TNMD: variants seen among roughly 807,000 people sequenced by gnomAD.
The protein encoded by TNMD is tenomodulin.
TNMD carries 15 observed loss-of-function variants against 26.9 expected under a neutral mutation model. That is an observed-to-expected ratio of 0.56 (90% CI 0.37 to 0.86). The LOEUF is 0.86. Among genes scored for constraint, TNMD ranks in the 40% least tolerant of loss-of-function variants. The pLI, the probability that TNMD is intolerant of heterozygous loss-of-function variation, is 0.00. For missense variants in TNMD, 222 were observed against 242.6 expected (o/e 0.92, Z 0.56); for synonymous variants, 73 against 77.0 (o/e 0.95, Z 0.27).
chrX:100,593,379 G>T, intron 2 of TNMD: 1 of 753,099 alleles, frequency 1.3e-6, no homozygotes, highest in Non-Finnish European at 1.6e-6. Flanking sequence ...AGTTTAAGGG[G>T]CAAAAGGAAG....
In TNMD at chrX:100,599,862, A is replaced by G; in HGVS notation, c.*145A>G. ...TAGGTAATTCCTCTCTTCATGTTCT[A>G]ATAAACTTCTACATTATCACCAACA... On this transcript the variant is annotated 3_prime_UTR_variant, in exon 7 of 7. Coordinates refer to ENST00000373031, the MANE Select transcript of TNMD (RefSeq NM_022144.3). 2.0e-6 allele frequency: 1 copy of G among 506,610 alleles called. No homozygotes were observed. The highest frequency in any genetic ancestry group is 3.1e-5 in the South Asian group (1 of 32,017). The allele number at this position is 506,610 out of a possible 1,213,427, so 41.8% of individuals were successfully genotyped here.
intron 2 of TNMD, among the ~76,000 whole-genome samples, chrX:100,591,572 C>T (rs916922582): frequency 9.0e-5 from 10 of 111,480 alleles, no homozygotes; most frequent in Non-Finnish European, 1.9e-5. Flanking sequence ...AAGTGGGCCA[C>T]CAGCATCATC....
chrX:100,598,710 T>C (rs1025438426), intron 5 of TNMD, among the ~76,000 whole-genome samples: 5 of 112,511 alleles, frequency 4.4e-5, no homozygotes, highest in African/African-American at 1.6e-4. Context: ...ATGGGTAAAA[T>C]CATCATTGTA....
In TNMD at chrX:100,599,584, G is replaced by A. The variant is rs142740370; in HGVS notation, c.821G>A (p.Arg274His). The change falls in exon 7 of 7, where the codon CGC becomes CAC. Residue 274 changes from arginine to histidine, a missense_variant. Physicochemically the swap from Arg to His is conservative, Grantham distance 29. Transcript: ENST00000373031. ...TGTATTTACTGCCGTCGAGGCAACCGCTATTGCCGCCGCGTCTGTGAACCT... is the reference window on the plus strand; with the variant it reads ...TGTATTTACTGCCGTCGAGGCAACCACTATTGCCGCCGCGTCTGTGAACCT... ...YCCIYCRRGN[R>H]YCRRVCEPLL... The A allele has an allele frequency of 1.3e-5, 16 of 1,208,512 alleles. No homozygotes were observed. Among genetic ancestry groups the A allele is most frequent in the African/African-American group, 3.5e-5 (2 of 56,913 alleles).
intron 2 of TNMD, among the ~76,000 whole-genome samples, chrX:100,590,315 G>A (rs1263344155): frequency 8.9e-6 from 1 of 111,906 alleles, no homozygotes; most frequent in Non-Finnish European, 1.9e-5. Context: ...ATTAATCACA[G>A]GCTTCAAAAA....
At chrX:100,598,771 G>A (rs1192505137) in intron 5 of TNMD, among the ~76,000 whole-genome samples, 1 of 112,179 alleles carries the variant, frequency 8.9e-6, no homozygotes, top group African/African-American at 3.2e-5. Context: ...GTGCTATTAA[G>A]TCAAAGCAGT....
chrX:100,593,573 G>A, intron 2 of TNMD: 1 of 186,685 alleles, frequency 5.4e-6, no homozygotes, highest in Non-Finnish European at 8.9e-6. Context: ...CGGGTGAGGG[G>A]CGGGGCAGTA....
intron 5 of TNMD, 151 bp from the exon 6 acceptor site, chrX:100,598,865 C>A: frequency 2.5e-6 from 1 of 403,801 alleles, no homozygotes; most frequent in Non-Finnish European, 4.2e-6. Flanking sequence ...AAAATATCAG[C>A]TGAAGGAGCT....
intron 4 of TNMD, among the ~76,000 whole-genome samples, chrX:100,596,677 T>A (rs941314751): frequency 2.7e-5 from 3 of 111,801 alleles, no homozygotes; most frequent in Admixed American, 9.5e-5. Flanking sequence ...TTTTATACAA[T>A]TCCTTTCAAT....
intron 2 of TNMD, among the ~76,000 whole-genome samples, chrX:100,588,637 AT>A (rs35743847): frequency 8.9e-6 from 1 of 112,035 alleles, no homozygotes; most frequent in Non-Finnish European, 1.9e-5. Context: ...TGTATTACAC[AT>A]TTTACTGGAA....
intron 2 of TNMD, among the ~76,000 whole-genome samples, chrX:100,592,106 G>A (rs929868409): frequency 3.6e-5 from 4 of 111,222 alleles, no homozygotes; most frequent in Admixed American, 1.9e-4. Flanking sequence ...ACACCCCACC[G>A]CAGCCCCCAA....
intron 2 of TNMD, 157 bp from the exon 3 acceptor site, chrX:100,593,738 G>C: frequency 1.9e-6 from 1 of 538,572 alleles, no homozygotes; most frequent in Non-Finnish European, 2.8e-6. Context: ...AGGCTGCCAA[G>C]AAAACTGTTG....
In TNMD at chrX:100,591,652, T is replaced by C. The variant is rs186414616; in HGVS notation, c.181-2243T>C. Among the ~76,000 whole-genome samples the C allele has an allele frequency of 4.5e-5, 5 of 111,392 alleles. No individual in the cohort carries two copies. The East Asian group carries it at 1.1e-3, about 25-fold the overall frequency. On this transcript the variant is annotated intron_variant, in intron 2 of 6. Transcript: ENST00000373031. ...GTGGAATTCTGTCTGGGTGAATATA[T>C]AGCTCCCCACTCCTACCCCCTACCA... is the stretch of plus-strand genomic sequence containing the variant.
At chrX:100,590,364 C>A (rs1382544224) in intron 2 of TNMD, among the ~76,000 whole-genome samples, 1 of 112,167 alleles carries the variant, frequency 8.9e-6, no homozygotes, top group Admixed American at 9.4e-5. Context: ...CCTGTCAGGA[C>A]AGGCTAAAGC....
rs942781194 is a variant in TNMD at position 100,584,997 on chromosome X, G to C, written c.-22G>C. On this transcript the variant is annotated 5_prime_UTR_variant, in exon 1 of 7. Coordinates refer to ENST00000373031, the MANE Select transcript of TNMD (RefSeq NM_022144.3). ...TCTCAGTCCTCTCAAAGCAAGGAAA[G>C]AGTACTGTGTGCTGAGAGACCATGG... The C allele has an allele frequency of 1.7e-6, 2 of 1,205,083 alleles. No individual in the cohort carries two copies. Among genetic ancestry groups the C allele is most frequent in the Admixed American group, 2.2e-5 (1 of 45,313 alleles).
At chrX:100,585,148 GT>G in intron 1 of TNMD, 82 bp downstream of exon 1, 1 of 1,175,995 alleles carries the variant, frequency 8.5e-7, no homozygotes, top group East Asian at 3.0e-5. Flanking sequence ...ACATTAGAAA[GT>G]GGAATCAAAG....
At chrX:100,594,914 G>A (rs184986614) in intron 4 of TNMD, among the ~76,000 whole-genome samples, 1 of 111,813 alleles carries the variant, frequency 8.9e-6, no homozygotes, top group African/African-American at 3.3e-5. Flanking sequence ...AAGCAAAGAA[G>A]GTGAACACTG....
chrX:100,586,682 C>G (rs139405413), intron 2 of TNMD, among the ~76,000 whole-genome samples: 1,225 of 111,282 alleles, frequency 0.011, 17 homozygotes, highest in African/African-American at 0.037. Context: ...TCAGGCATCA[C>G]CCAATGCCTA....
intron 4 of TNMD, among the ~76,000 whole-genome samples, chrX:100,594,804 C>G (rs1290698787): frequency 8.9e-6 from 1 of 112,136 alleles, no homozygotes; most frequent in African/African-American, 3.2e-5. Flanking sequence ...TGTCACACTT[C>G]AGTATTCACC....
Sources: gnomAD v4.1 joint callset for allele counts (sites outside exome capture counted in the v4.1 genomes callset) on GRCh38, gnomAD v4.1.1 for gene constraint, MANE v1.5 for transcripts, NCBI Gene and HGNC (gene_info 2026-07-23, HGNC 2026-07-21) for gene names.